FAM222B: variants seen among roughly 807,000 people sequenced by gnomAD.
FAM222B encodes protein FAM222B.
Under a neutral mutation model 38.0 loss-of-function variants are expected in FAM222B, and 12 were observed. The observed-to-expected ratio is 0.32, with a 90% CI of 0.20 to 0.51. FAM222B has a LOEUF of 0.51. Ranked by LOEUF, FAM222B falls within the 20% of genes least tolerant of loss-of-function variation. The pLI is 0.97. For synonymous variants in FAM222B, 329 were observed against 317.2 expected, an observed-to-expected ratio of 1.04 and a Z score of -0.40; for missense variants, 716 against 754.2, an observed-to-expected ratio of 0.95 and a Z score of 0.59.
rs1406141768 is a variant in FAM222B at position 28,759,550 on chromosome 17, C to T, written c.409G>A (p.Ala137Thr). Reference protein sequence around the residue: ...AIMNPPVAPYATVAPSTLAHP... With the variant: ...AIMNPPVAPYTTVAPSTLAHP... The stretch of plus-strand genomic sequence containing the variant: ...GCTAAAGTGCTGGGTGCCACAGTAG[C>T]ATAGGGTGCCACTGGGGGGTTCATG... Residue 137 changes from alanine (A) to threonine (T), a missense_variant, in exon 3 of 3, where the codon GCT (alanine) becomes ACT (threonine). Coordinates refer to ENST00000581407, the MANE Select transcript of FAM222B (RefSeq NM_001077498.3). The surrounding 1 kb of genome is among the most constrained non-coding windows in gnomAD (Gnocchi z 4.8). 1 of 1,605,884 alleles carries T rather than the reference C, an allele frequency of 6.2e-7. No homozygotes were observed.
chr17:28,854,815 T>G (rs987215481), intron 1 of FAM222B: 5 of 482,924 alleles, frequency 1.0e-5, no homozygotes, highest in African/African-American at 7.9e-5. Context: ...TGTATGGGAG[T>G]CCAAAACTAC....
At chr17:28,849,894 C>A (rs2039169987) in intron 1 of FAM222B, among the ~76,000 whole-genome samples, 1 of 151,958 alleles carries the variant, frequency 6.6e-6, no homozygotes. Flanking sequence ...CCAGCCTGAC[C>A]AACATGGAGA....
rs1446682689 is a variant in FAM222B, at chr17:28,759,886, G to A, written c.83-10C>T. On this transcript the variant is annotated splice_polypyrimidine_tract_variant and intron_variant, in intron 2 of 2. Coordinates refer to ENST00000581407, the MANE Select transcript of FAM222B (RefSeq NM_001077498.3). This position sits in a 1 kb window ranked among gnomAD's most constrained non-coding sequence, Gnocchi z 4.8. ...TTCTGTGTAGTGTCCCCTAGAGAGA[G>A]AGAATGGGAAGGAGAGCAAAGAGGG... 1.3e-6 allele frequency: 2 copies of A among 1,511,538 alleles called. No homozygotes were observed. Among genetic ancestry groups the A allele is most frequent in the Non-Finnish European group, 1.8e-6 (2 of 1,124,754 alleles). The allele number at this position is 1,511,538 out of a possible 1,614,324, so 93.6% of individuals were successfully genotyped here.
At chr17:28,783,544 G>A (rs1483570120) in intron 1 of FAM222B, among the ~76,000 whole-genome samples, 5 of 146,928 alleles carry the variant, frequency 3.4e-5, no homozygotes, top group Non-Finnish European at 7.4e-5. Context: ...ACAAAGTCTC[G>A]CTCTGTCGCC....
intron 1 of FAM222B, among the ~76,000 whole-genome samples, chr17:28,829,653 T>C (rs1031751407): frequency 6.6e-6 from 1 of 152,156 alleles, no homozygotes; most frequent in Admixed American, 6.6e-5. Context: ...ATATGAATAG[T>C]TCCTTTTTAT....
intron 1 of FAM222B, among the ~76,000 whole-genome samples, chr17:28,790,935 G>A (rs1475241653): frequency 1.4e-5 from 1 of 71,792 alleles, no homozygotes; most frequent in African/African-American, 5.1e-5. Context: ...ATCTTGCTCT[G>A]TTGCCCAGGC....
At chr17:28,837,429 CAA>C (rs1169742422) in intron 1 of FAM222B, among the ~76,000 whole-genome samples, 2 of 108,542 alleles carry the variant, frequency 1.8e-5, no homozygotes, top group Non-Finnish European at 1.9e-5. Context: ...GACTCCGTCT[CAA>C]AAAAAAAAAA....
chr17:28,760,049 C>T (rs917975544), intron 2 of FAM222B, among the ~76,000 whole-genome samples, 173 bp from the exon 3 acceptor site: 5 of 152,180 alleles, frequency 3.3e-5, no homozygotes, highest in Non-Finnish European at 7.3e-5. Context: ...CATTAACAAG[C>T]ACTGCTAATG....
At chr17:28,841,845 C>T (rs557055869) in intron 1 of FAM222B, among the ~76,000 whole-genome samples, 1 of 152,264 alleles carries the variant, frequency 6.6e-6, no homozygotes, top group African/African-American at 2.4e-5. Context: ...AGTCTGATGG[C>T]TAATTTATCA....
At chr17:28,831,504 C>CTTTTTT (rs35692613) in intron 1 of FAM222B, among the ~76,000 whole-genome samples, 8 of 110,858 alleles carry the variant, frequency 7.2e-5, no homozygotes, top group Non-Finnish European at 9.2e-5. Context: ...TTGTCAAAGG[C>CTTTTTT]TTTTTTTTTT....
At chr17:28,799,144 G>A (rs2037091280) in intron 1 of FAM222B, among the ~76,000 whole-genome samples, 1 of 142,916 alleles carries the variant, frequency 7.0e-6, no homozygotes, top group Non-Finnish European at 1.5e-5. Context: ...CCAGCTAATT[G>A]TTGTATTTTT....
rs2037081389 is a variant in FAM222B, at chr17:28,798,992, T to C, written c.-40-32285A>G. 2.6e-5 allele frequency among the ~76,000 whole-genome samples: 4 copies of C among 151,206 alleles called. No homozygotes were observed. The South Asian group carries it at 6.3e-4, about 24-fold the overall frequency. On this transcript the variant is annotated intron_variant, in intron 1 of 2. Transcript: ENST00000581407. ...ATCCTGTTGTTTTTTTTTTCTTTTT[T>C]TGGGATGGAGTCTCACTCTGTTGAC...
intron 1 of FAM222B, among the ~76,000 whole-genome samples, chr17:28,806,837 T>C (rs1181801827): frequency 3.3e-5 from 5 of 152,040 alleles, no homozygotes; most frequent in Admixed American, 1.3e-4. Flanking sequence ...ATATTAGAAA[T>C]TCAGAGAAAG....
intron 1 of FAM222B, among the ~76,000 whole-genome samples, chr17:28,775,387 C>G (rs1363621345): frequency 6.6e-6 from 1 of 151,300 alleles, no homozygotes; most frequent in East Asian, 1.9e-4. Flanking sequence ...CACTTCCCAG[C>G]ATAGCCTCGC....
At chr17:28,845,649 A>G (rs1209904139), upstream of FAM222B, among the ~76,000 whole-genome samples, 1 of 152,042 alleles carries the variant, frequency 6.6e-6, no homozygotes, top group East Asian at 1.9e-4. Context: ...TAATCCCAGC[A>G]CTTTGGGAAG....
intron 1 of FAM222B, among the ~76,000 whole-genome samples, chr17:28,780,892 A>C (rs1336169768): frequency 6.6e-6 from 1 of 152,020 alleles, no homozygotes; most frequent in East Asian, 1.9e-4. Flanking sequence ...CAAAAAAAAA[A>C]CCCAAAGAAA....
chr17:28,825,451 A>AAC (rs2038407334), intron 1 of FAM222B, among the ~76,000 whole-genome samples: 3 of 150,586 alleles, frequency 2.0e-5, no homozygotes, highest in Non-Finnish European at 2.9e-5. Context: ...AAAAAAAAAA[A>AAC]AAAACACTCC....
Position 28,759,552 on chromosome 17 carries a change from T to G in FAM222B, c.407A>C (p.Tyr136Ser), listed in dbSNP as rs771335348. 1 of 1,606,984 alleles carries G rather than the reference T, an allele frequency of 6.2e-7. No homozygotes were observed. Among genetic ancestry groups the G allele is most frequent in the South Asian group, 1.1e-5 (1 of 89,982 alleles). Reference protein sequence around the residue: ...EAIMNPPVAPYATVAPSTLAH... With the variant: ...EAIMNPPVAPSATVAPSTLAH... ...TAAAGTGCTGGGTGCCACAGTAGCATAGGGTGCCACTGGGGGGTTCATGAT... is the reference window on the plus strand; with the variant it reads ...TAAAGTGCTGGGTGCCACAGTAGCAGAGGGTGCCACTGGGGGGTTCATGAT... Residue 136 changes from tyrosine (Y) to serine (S), a missense_variant, in exon 3 of 3, where the codon TAT becomes TCT. Coordinates refer to ENST00000581407, the MANE Select transcript of FAM222B (RefSeq NM_001077498.3). The surrounding 1 kb of genome is among the most constrained non-coding windows in gnomAD (Gnocchi z 4.8).
intron 1 of FAM222B, among the ~76,000 whole-genome samples, chr17:28,784,712 C>T (rs2036322803): frequency 6.6e-6 from 1 of 151,808 alleles, no homozygotes; most frequent in South Asian, 2.1e-4. Context: ...GACCTGTAAT[C>T]AAAGCTACTC....
Sources: gnomAD v4.1 joint callset for allele counts (sites outside exome capture counted in the v4.1 genomes callset) on GRCh38, gnomAD v4.1.1 for gene constraint, Gnocchi (gnomAD v3.1) non-coding constraint, MANE v1.5 for transcripts, NCBI Gene and HGNC (gene_info 2026-07-23, HGNC 2026-07-21) for gene names.